BSN: variants seen among roughly 807,000 people sequenced by gnomAD.
BSN encodes the protein bassoon presynaptic cytomatrix protein.
Under a neutral mutation model 264.8 loss-of-function variants are expected in BSN, and 57 were observed. That is an observed-to-expected ratio of 0.22 (90% CI 0.17 to 0.27). BSN has a LOEUF of 0.27. Ranked by LOEUF, BSN falls within the 10% of genes least tolerant of loss-of-function variation. The pLI is 1.00. For missense variants in BSN, 4,615 were observed against 5,232.5 expected, an observed-to-expected ratio of 0.88 and a Z score of 3.64; for synonymous variants, 2,059 against 2,137.3, an observed-to-expected ratio of 0.96 and a Z score of 1.01.
At chr3:49,610,601 A>AC (rs2052199354) in intron 1 of BSN, among the ~76,000 whole-genome samples, 3 of 151,608 alleles carry the variant, frequency 2.0e-5, no homozygotes, top group Non-Finnish European at 4.4e-5. Context: ...AAAAAAAAAA[A>AC]AAAAACAAGT....
At chr3:49,613,433 G>C (rs2052228107) in intron 1 of BSN, among the ~76,000 whole-genome samples, 1 of 151,380 alleles carries the variant, frequency 6.6e-6, no homozygotes, top group Non-Finnish European at 1.5e-5. Context: ...CTGAGGGAGA[G>C]AAAGTGTAAA....
At chr3:49,610,718 C>A (rs1488728531) in intron 1 of BSN, among the ~76,000 whole-genome samples, 1 of 151,680 alleles carries the variant, frequency 6.6e-6, no homozygotes, top group Non-Finnish European at 1.5e-5. Context: ...TTTAATTCCA[C>A]TGACTTCCCA....
rs1287045894 is a variant in BSN at position 49,668,744 on chromosome 3, A to G, written c.*1259A>G. On this transcript the variant is annotated 3_prime_UTR_variant, in exon 12 of 12. Transcript: ENST00000296452. The stretch of plus-strand genomic sequence containing the variant: ...TGTGCGGGGGAATGTGGCACTGTCT[A>G]TCCATCCGGTGGACTGGGCAGCATT... 2 of 152,632 alleles carry G rather than the reference A, an allele frequency of 1.3e-5. No individual in the cohort carries two copies. Among genetic ancestry groups the G allele is most frequent in the Non-Finnish European group, 2.9e-5 (2 of 68,046 alleles). 9.5% of individuals were successfully genotyped at this position (152,632 alleles called of 1,614,324 possible).
chr3:49,624,129 T>C (rs2052324793), intron 1 of BSN, among the ~76,000 whole-genome samples: 2 of 151,916 alleles, frequency 1.3e-5, no homozygotes, highest in Admixed American at 6.6e-5. Flanking sequence ...GCCTCCCAAG[T>C]AGCTGGGCCT....
intron 1 of BSN, among the ~76,000 whole-genome samples, chr3:49,570,926 G>A (rs1419546246): frequency 6.6e-6 from 1 of 152,176 alleles, no homozygotes; most frequent in Non-Finnish European, 1.5e-5. Flanking sequence ...CACTGACTCT[G>A]GGGCTCCCAG....
intron 1 of BSN, among the ~76,000 whole-genome samples, chr3:49,613,499 A>T (rs180908294): frequency 0.015 from 2,196 of 148,380 alleles, 15 homozygotes; most frequent in South Asian, 0.038. Flanking sequence ...TATTATTATT[A>T]TTATTTTTTT....
At chr3:49,665,651 C>T (rs1371251948) in intron 11 of BSN, among the ~76,000 whole-genome samples, 1 of 152,238 alleles carries the variant, frequency 6.6e-6, no homozygotes, top group Non-Finnish European at 1.5e-5. Context: ...CATGCTTCTT[C>T]CCTGATGTCT....
chr3:49,640,282 A>G (rs1213922974), intron 2 of BSN, among the ~76,000 whole-genome samples: 4 of 152,214 alleles, frequency 2.6e-5, no homozygotes, highest in Non-Finnish European at 5.9e-5. Context: ...GCCAGGATGA[A>G]TGAAGCAAGC....
rs770223064 is a variant in BSN, at chr3:49,662,043, C to T, written c.10198C>T (p.Arg3400Trp). ...TGCAGTCAGCAGCAGCCTGGTCTCTCGGGGCAGGAAGTTCCAGGATGAAAT... is the reference window on the plus strand; with the variant it reads ...TGCAGTCAGCAGCAGCCTGGTCTCTTGGGGCAGGAAGTTCCAGGATGAAAT... ...PPAVSSSLVS[R>W]GRKFQDEITY... is the part of the protein sequence containing the mutation. Residue 3400 changes from arginine (R) to tryptophan (W), a missense_variant, in exon 6 of 12, where the codon CGG becomes TGG. This residue lies in a region of BSN where 3,415 missense variants were observed against 3,866.4 expected (regional missense o/e 0.88). Coordinates refer to ENST00000296452, the MANE Select transcript of BSN (RefSeq NM_003458.4). 61 of 1,613,650 alleles carry T rather than the reference C, an allele frequency of 3.8e-5. No individual in the cohort carries two copies. Among genetic ancestry groups the T allele is most frequent in the South Asian group, 3.5e-4 (32 of 91,088 alleles).
chr3:49,601,905 A>C (rs983877882), intron 1 of BSN, among the ~76,000 whole-genome samples: 1 of 152,218 alleles, frequency 6.6e-6, no homozygotes, highest in African/African-American at 2.4e-5. Context: ...CGTGGTCCCC[A>C]GTTCTGTTCT....
intron 1 of BSN, among the ~76,000 whole-genome samples, chr3:49,568,760 G>T (rs2051773370): frequency 6.6e-6 from 1 of 152,308 alleles, no homozygotes; most frequent in South Asian, 2.1e-4. Context: ...TGAGGAATCT[G>T]GAAAATGTGG....
intron 5 of BSN, among the ~76,000 whole-genome samples, chr3:49,659,762 A>G (rs1270760023): frequency 6.6e-6 from 1 of 152,160 alleles, no homozygotes; most frequent in African/African-American, 2.4e-5. Context: ...GTAGGGCTGG[A>G]TAGGACTTAC....
chr3:49,590,881 G>A (rs1277281982), intron 1 of BSN, among the ~76,000 whole-genome samples: 1 of 151,978 alleles, frequency 6.6e-6, no homozygotes, highest in Non-Finnish European at 1.5e-5. Context: ...CGAGGTGGGT[G>A]GGTCACTTGA....
At chr3:49,627,458 G>A (rs2052349885) in intron 2 of BSN, among the ~76,000 whole-genome samples, 1 of 152,234 alleles carries the variant, frequency 6.6e-6, no homozygotes, top group Non-Finnish European at 1.5e-5. Flanking sequence ...GGGTGATAAA[G>A]CATAATTCGT....
chr3:49,585,598 G>A lies in BSN; in HGVS notation c.224+30772G>A, dbSNP rs577396878. On this transcript the variant is annotated intron_variant, in intron 1 of 11. Transcript: ENST00000296452. This position sits in a 1 kb window ranked among gnomAD's most constrained non-coding sequence, Gnocchi z 4.7. ...TTGGAAGTTAAATCTTGGAGGATTT[G>A]TCCACACCCCTCACGTTTCTTCAGC... 6.6e-6 allele frequency among the ~76,000 whole-genome samples: 1 copy of A among 152,344 alleles called. No individual in the cohort carries two copies. Among genetic ancestry groups the A allele is most frequent in the African/African-American group, 2.4e-5 (1 of 41,588 alleles).
chr3:49,582,701 C>T (rs2051903560), intron 1 of BSN, among the ~76,000 whole-genome samples: 2 of 152,100 alleles, frequency 1.3e-5, no homozygotes, highest in African/African-American at 4.8e-5. Context: ...GTAAAACTTC[C>T]TTGCACATCG....
intron 2 of BSN, among the ~76,000 whole-genome samples, chr3:49,632,578 C>A (rs1266940949): frequency 3.3e-5 from 5 of 152,014 alleles, no homozygotes; most frequent in Admixed American, 3.3e-4. Context: ...CTCAGGCAGG[C>A]AGATTGCCTG....
rs530370305 is a variant in BSN at position 49,560,386 on chromosome 3, C to G, written c.224+5560C>G. 5.3e-5 allele frequency among the ~76,000 whole-genome samples: 8 copies of G among 152,346 alleles called. No homozygotes were observed. In the East Asian group the frequency reaches 1.5e-3, roughly 29 times the overall value. ...ATGACTACCATTACTGAATGACTGC[C>G]TCATCACAGACATTCTGCTAGGTGT... On this transcript the variant is annotated intron_variant, in intron 1 of 11. Coordinates refer to ENST00000296452, the MANE Select transcript of BSN (RefSeq NM_003458.4).
chr3:49,665,586 A>G (rs1329359837), intron 11 of BSN, among the ~76,000 whole-genome samples: 1 of 152,232 alleles, frequency 6.6e-6, no homozygotes, highest in African/African-American at 2.4e-5. Context: ...TGTGCTGGGC[A>G]CTGAGTTCAA....
Sources: allele counts gnomAD v4.1 joint callset (sites outside exome capture counted in the v4.1 genomes callset), GRCh38; gene constraint gnomAD v4.1.1; regional missense constraint gnomAD v4.1.1; non-coding constraint Gnocchi (gnomAD v3.1); transcripts MANE v1.5; gene names NCBI Gene and HGNC (gene_info 2026-07-23, HGNC 2026-07-21).